The following RNF144B variants were observed in gnomAD, a reference collection of about 807,000 sequenced individuals.
RNF144B encodes ring finger protein 144B.
RNF144B carries 25 observed loss-of-function variants against 40.2 expected under a neutral mutation model. That is an observed-to-expected ratio of 0.62 (90% CI 0.45 to 0.87). The LOEUF (loss-of-function observed/expected upper bound fraction) is 0.87. Among genes scored for constraint, RNF144B ranks in the 40% least tolerant of loss-of-function variants. RNF144B has a pLI of 0.00. For missense variants in RNF144B, 365 were observed against 373.7 expected, an observed-to-expected ratio of 0.98 and a Z score of 0.19; for synonymous variants, 145 against 136.3, an observed-to-expected ratio of 1.06 and a Z score of -0.44.
At chr6:18,407,113 G>A (rs1302088098) in intron 2 of RNF144B, among the ~76,000 whole-genome samples, 1 of 151,982 alleles carries the variant, frequency 6.6e-6, no homozygotes, top group East Asian at 1.9e-4. Context: ...ATTTGGGTGG[G>A]GACACAGAGC....
In RNF144B at chr6:18,387,448, G is replaced by C. The variant is rs138913231; in HGVS notation, c.-219G>C. The C allele has an allele frequency of 6.0e-4, 734 of 1,227,138 alleles. 4 individuals are homozygous for C. The African/African-American group carries it at 0.011, about 18-fold the overall frequency. 76.0% of individuals were successfully genotyped at this position (1,227,138 alleles called of 1,614,324 possible). On this transcript the variant is annotated 5_prime_UTR_variant, in exon 1 of 8. Transcript: ENST00000259939. ...GGACTCCGCCTCCTCCCGACCCGTA[G>C]GTCTGGGAGCGCAAGTCCTGTTGCA...
intron 1 of RNF144B, among the ~76,000 whole-genome samples, chr6:18,387,940 C>T (rs183303158): frequency 6.6e-6 from 1 of 152,232 alleles, no homozygotes; most frequent in Admixed American, 6.5e-5. Context: ...CAAAAGTTGG[C>T]ATAATCTCGG....
intron 2 of RNF144B, among the ~76,000 whole-genome samples, chr6:18,404,721 A>G (rs527558406): frequency 8.5e-5 from 13 of 152,356 alleles, no homozygotes; most frequent in African/African-American, 2.9e-4. Context: ...AAAAGTGCCA[A>G]TACAACTTTG....
Position 18,422,225 on chromosome 6 carries a change from A to G in RNF144B, c.166-5356A>G, listed in dbSNP as rs1758442765. Among the ~76,000 whole-genome samples, 1 of 152,172 alleles carries G rather than the reference A, an allele frequency of 6.6e-6. No homozygotes were observed. Among genetic ancestry groups the G allele is most frequent in the Admixed American group, 6.5e-5 (1 of 15,272 alleles). On this transcript the variant is annotated intron_variant, in intron 2 of 7. Coordinates refer to ENST00000259939, the MANE Select transcript of RNF144B (RefSeq NM_182757.4). This position sits in a 1 kb window ranked among gnomAD's most constrained non-coding sequence, Gnocchi z 4.7. ...GAGAGATACTATCTTGAATTGTGCT[A>G]ATAATTTAACTCAACAGCATCTAAC...
chr6:18,457,122 C>A lies in RNF144B; in HGVS notation c.332-33C>A. ...GAGAAAGACTCAAACATGAATCGGGCAGACCATCACATTTTCTTTCTTTAC... is the reference window on the plus strand; with the variant it reads ...GAGAAAGACTCAAACATGAATCGGGAAGACCATCACATTTTCTTTCTTTAC... On this transcript the variant is annotated intron_variant, in intron 4 of 7. Coordinates refer to ENST00000259939, the MANE Select transcript of RNF144B (RefSeq NM_182757.4). The surrounding 1 kb of genome is among the most constrained non-coding windows in gnomAD (Gnocchi z 5.1). 6.7e-7 allele frequency: 1 copy of A among 1,482,926 alleles called. No individual in the cohort carries two copies. Among genetic ancestry groups the A allele is most frequent in the Non-Finnish European group, 9.4e-7 (1 of 1,061,796 alleles). 91.9% of individuals were successfully genotyped at this position (1,482,926 alleles called of 1,614,324 possible).
intron 2 of RNF144B, among the ~76,000 whole-genome samples, chr6:18,407,008 A>G (rs549410733): frequency 6.6e-6 from 1 of 152,292 alleles, no homozygotes; most frequent in South Asian, 2.1e-4. Flanking sequence ...AGAATTCACT[A>G]TCATGGGAAC....
intron 2 of RNF144B, among the ~76,000 whole-genome samples, chr6:18,424,907 G>A (rs1758511456): frequency 1.3e-5 from 2 of 152,144 alleles, no homozygotes; most frequent in South Asian, 4.1e-4. Flanking sequence ...TATCTCAGAA[G>A]GTCAAAGGAT....
At chr6:18,461,481 G>A (rs1195508930) in intron 6 of RNF144B, among the ~76,000 whole-genome samples, 2 of 152,154 alleles carry the variant, frequency 1.3e-5, no homozygotes, top group Non-Finnish European at 2.9e-5. Flanking sequence ...AGCCCATGAG[G>A]TTCTCTTTAG....
chr6:18,451,458 T>C (rs1407252377), intron 4 of RNF144B, among the ~76,000 whole-genome samples: 1 of 152,160 alleles, frequency 6.6e-6, no homozygotes, highest in East Asian at 1.9e-4. Context: ...AACCTAGAAG[T>C]AAGACCTGGA....
rs1759421584 is a variant in RNF144B, at chr6:18,460,279, G to C, written c.681+528G>C. Among the ~76,000 whole-genome samples the C allele has an allele frequency of 6.6e-6, 1 of 152,156 alleles. No homozygotes were observed. Among genetic ancestry groups the C allele is most frequent in the Non-Finnish European group, 1.5e-5 (1 of 68,032 alleles). ...TCCATCTTCAAAGCCAGCAACATCA[G>C]ATCTCTCACTCCCTTCTTTCTTAGT... On this transcript the variant is annotated intron_variant, in intron 6 of 7. Coordinates refer to ENST00000259939, the MANE Select transcript of RNF144B (RefSeq NM_182757.4). The surrounding 1 kb of genome is among the most constrained non-coding windows in gnomAD (Gnocchi z 4.4).
chr6:18,461,670 T>C (rs1759458877), intron 6 of RNF144B, among the ~76,000 whole-genome samples: 1 of 152,232 alleles, frequency 6.6e-6, no homozygotes, highest in South Asian at 2.1e-4. Flanking sequence ...TATTGAAGCA[T>C]CTTTTTTTCT....
rs1017856736 is a variant in RNF144B, at chr6:18,442,266, C to A, written c.331+2522C>A. On this transcript the variant is annotated intron_variant, in intron 4 of 7. Transcript: ENST00000259939. This position sits in a 1 kb window ranked among gnomAD's most constrained non-coding sequence, Gnocchi z 4.3. ...CAATTAAGTTGGGCAGGCATCTGAG[C>A]CAGTCTATCTTTTTTAGGTGGTGAT... Among the ~76,000 whole-genome samples the A allele has an allele frequency of 2.6e-5, 4 of 152,148 alleles. No individual in the cohort carries two copies. Among genetic ancestry groups the A allele is most frequent in the Non-Finnish European group, 5.9e-5 (4 of 68,028 alleles).
rs61128858 is a variant in RNF144B at position 18,448,688 on chromosome 6, G to GCACACACACACACACA, written c.332-8453_332-8438dup. ...TCCATTTTATTTTGAAAGCCAGCAT[G>GCACACACACACACACA]CACACACACACACACACACACACAC... On this transcript the variant is annotated intron_variant, in intron 4 of 7. Transcript: ENST00000259939. This position sits in a 1 kb window ranked among gnomAD's most constrained non-coding sequence, Gnocchi z 4.0. 2.1e-5 allele frequency among the ~76,000 whole-genome samples: 3 copies of GCACACACACACACACA among 144,522 alleles called. No individual in the cohort carries two copies. Among genetic ancestry groups the GCACACACACACACACA allele is most frequent in the African/African-American group, 5.1e-5 (2 of 39,450 alleles). 94.8% of individuals were successfully genotyped at this position (144,522 alleles called of 152,430 possible).
chr6:18,415,474 G>A (rs1795132835), intron 2 of RNF144B, among the ~76,000 whole-genome samples: 1 of 152,156 alleles, frequency 6.6e-6, no homozygotes, highest in South Asian at 2.1e-4. Flanking sequence ...GGGCAAGAGA[G>A]CACTCCCTTT....
intron 2 of RNF144B, among the ~76,000 whole-genome samples, chr6:18,421,916 G>T (rs1453684622): frequency 1.3e-5 from 2 of 152,146 alleles, no homozygotes; most frequent in Non-Finnish European, 2.9e-5. Context: ...TTTATGGCTT[G>T]CTGTTTGATT....
intron 2 of RNF144B, among the ~76,000 whole-genome samples, chr6:18,409,203 C>A (rs1165198724): frequency 2.0e-5 from 3 of 151,644 alleles, no homozygotes; most frequent in Non-Finnish European, 4.4e-5. Context: ...CATGGTGAGA[C>A]CCTGTCTTTA....
rs1288632035 is a variant in RNF144B at position 18,416,663 on chromosome 6, G to C, written c.166-10918G>C. On this transcript the variant is annotated intron_variant, in intron 2 of 7. Transcript: ENST00000259939. This position sits in a 1 kb window ranked among gnomAD's most constrained non-coding sequence, Gnocchi z 5.5. ...CTATTTTGGGCTAAAGTATTTAAAG[G>C]CTCTCAATCAGAGTTTTAAATTTTG... 6.6e-6 allele frequency among the ~76,000 whole-genome samples: 1 copy of C among 152,120 alleles called. No homozygotes were observed. The highest frequency in any genetic ancestry group is 1.5e-5 in the Non-Finnish European group (1 of 68,022).
Position 18,457,505 on chromosome 6 carries a change from T to G in RNF144B, c.536+146T>G. The G allele has an allele frequency of 1.5e-6, 1 of 671,236 alleles. No individual in the cohort carries two copies. The highest frequency in any genetic ancestry group is 2.6e-6 in the Non-Finnish European group (1 of 381,702). 41.6% of individuals were successfully genotyped at this position (671,236 alleles called of 1,614,324 possible). A position where few individuals can be genotyped will look rare whatever the true frequency, so the allele number is the denominator to read the frequency against. On this transcript the variant is annotated intron_variant, in intron 5 of 7. Coordinates refer to ENST00000259939, the MANE Select transcript of RNF144B (RefSeq NM_182757.4). The surrounding 1 kb of genome is among the most constrained non-coding windows in gnomAD (Gnocchi z 5.1). ...ACTTCCCTGAGAAGTGTCTCAGAAT[T>G]GGTAAGTTGCCAACAAAAAAGCATT...
chr6:18,440,455 C>T (rs1489945539), intron 4 of RNF144B, among the ~76,000 whole-genome samples: 1 of 151,924 alleles, frequency 6.6e-6, no homozygotes, highest in Non-Finnish European at 1.5e-5. Flanking sequence ...CTGGTCTAGT[C>T]TCATTGAGTA....
Sources: gnomAD v4.1 joint callset for allele counts (sites outside exome capture counted in the v4.1 genomes callset) on GRCh38, gnomAD v4.1.1 for gene constraint, Gnocchi (gnomAD v3.1) non-coding constraint, MANE v1.5 for transcripts, NCBI Gene and HGNC (gene_info 2026-07-23, HGNC 2026-07-21) for gene names.